Variants in DPT observed in about 807,000 individuals in gnomAD.
DPT encodes the protein tyrosine-rich acidic matrix protein.
In DPT, 21 loss-of-function variants were observed where a neutral mutation model predicts 31.2. The ratio of observed to expected loss-of-function variants is 0.67; its 90% CI spans 0.48 to 0.97. DPT has a LOEUF of 0.97. DPT is among the 50% of genes least tolerant of loss of function. DPT has a pLI of 0.00. For missense variants in DPT, 262 were observed against 258.8 expected, an observed-to-expected ratio of 1.01 and a Z score of -0.08; for synonymous variants, 91 against 86.9, an observed-to-expected ratio of 1.05 and a Z score of -0.26.
chr1:168,713,896 G>C (rs1024495383), intron 2 of DPT, among the ~76,000 whole-genome samples: 1 of 152,152 alleles, frequency 6.6e-6, no homozygotes, highest in Non-Finnish European at 1.5e-5. Flanking sequence ...TGGGGAGAAG[G>C]AGAACAGCAC....
intron 1 of DPT, among the ~76,000 whole-genome samples, chr1:168,728,194 A>G (rs1284464704): frequency 2.0e-5 from 3 of 152,254 alleles, no homozygotes; most frequent in African/African-American, 7.2e-5. Flanking sequence ...AAAACCCTTT[A>G]GTAAACTATT....
intron 2 of DPT, among the ~76,000 whole-genome samples, chr1:168,707,147 A>T (rs1649737552): frequency 1.3e-5 from 2 of 152,218 alleles, no homozygotes; most frequent in African/African-American, 4.8e-5. Flanking sequence ...CACAACTTCT[A>T]TAGCTCAGTT....
chr1:168,715,103 C>T (rs1263922314), intron 1 of DPT, among the ~76,000 whole-genome samples: 1 of 152,212 alleles, frequency 6.6e-6, no homozygotes. Context: ...CTCTAAAGAT[C>T]CCTTTCCTGT....
At chr1:168,702,327 T>C (rs1209706737) in intron 2 of DPT, among the ~76,000 whole-genome samples, 1 of 152,206 alleles carries the variant, frequency 6.6e-6, no homozygotes, top group African/African-American at 2.4e-5. Context: ...CTGTAAGGGC[T>C]CCTAGGAGGA....
At chr1:168,707,597 C>T (rs966254783) in intron 2 of DPT, among the ~76,000 whole-genome samples, 1 of 152,104 alleles carries the variant, frequency 6.6e-6, no homozygotes, top group Non-Finnish European at 1.5e-5. Flanking sequence ...GCTCTGTGTC[C>T]CCAACCAAAT....
At chr1:168,696,861 G>T (rs985309440) in intron 3 of DPT, among the ~76,000 whole-genome samples, 1 of 152,208 alleles carries the variant, frequency 6.6e-6, no homozygotes, top group African/African-American at 2.4e-5. Context: ...GTTCATCACT[G>T]GTGGTCAGCT....
chr1:168,709,086 C>T (rs12133988), intron 2 of DPT, among the ~76,000 whole-genome samples: 22,059 of 152,084 alleles, frequency 0.15, 2,227 homozygotes, highest in African/African-American at 0.29. Flanking sequence ...GTAAAGGTTA[C>T]CTAAATGGAT....
chr1:168,711,684 G>T (rs1011933088), intron 2 of DPT, among the ~76,000 whole-genome samples: 8 of 152,216 alleles, frequency 5.3e-5, no homozygotes. Flanking sequence ...GGCAGAGTTT[G>T]CCTTTGAATG....
chr1:168,704,596 T>G (rs535100781), intron 2 of DPT, among the ~76,000 whole-genome samples: 19 of 145,876 alleles, frequency 1.3e-4, no homozygotes, highest in East Asian at 3.9e-4. Flanking sequence ...GTGTGTGGGG[T>G]GTGTGTGTGT....
chr1:168,698,970 G>A (rs552889731), intron 3 of DPT, among the ~76,000 whole-genome samples: 6 of 152,064 alleles, frequency 3.9e-5, no homozygotes, highest in Non-Finnish European at 8.8e-5. Flanking sequence ...ATTTTATTTT[G>A]GGGGGAGGAT....
At chr1:168,715,752 G>T (rs1158730242) in intron 1 of DPT, among the ~76,000 whole-genome samples, 1 of 152,200 alleles carries the variant, frequency 6.6e-6, no homozygotes, top group African/African-American at 2.4e-5. Flanking sequence ...ATGGCCCTTT[G>T]ATGAAATCCA....
chr1:168,718,474 C>G (rs142254050), intron 1 of DPT, among the ~76,000 whole-genome samples: 1 of 152,232 alleles, frequency 6.6e-6, no homozygotes. Flanking sequence ...AAACATAACC[C>G]TCCTCCTCCG....
intron 2 of DPT, among the ~76,000 whole-genome samples, chr1:168,706,137 T>C (rs1446971288): frequency 6.6e-6 from 1 of 152,238 alleles, no homozygotes; most frequent in Non-Finnish European, 1.5e-5. Flanking sequence ...TATAACATCA[T>C]GATGGCCAAT....
At chr1:168,716,155 G>A (rs61532996) in intron 1 of DPT, among the ~76,000 whole-genome samples, 2,129 of 152,076 alleles carry the variant, frequency 0.014, 54 homozygotes, top group African/African-American at 0.049. Context: ...GAAATCATCC[G>A]TCCTTTTAAA....
chr1:168,727,698 C>A (rs911580335), intron 1 of DPT, among the ~76,000 whole-genome samples: 1 of 108,378 alleles, frequency 9.2e-6, no homozygotes, highest in Non-Finnish European at 2.1e-5. Flanking sequence ...GCAACTACAC[C>A]GGGCTAATTT....
intron 1 of DPT, among the ~76,000 whole-genome samples, chr1:168,723,647 A>C (rs1281196520): frequency 6.6e-6 from 1 of 152,152 alleles, no homozygotes; most frequent in African/African-American, 2.4e-5. Context: ...TTGTAAAAAG[A>C]GGATGACAGT....
chr1:168,711,513 T>A (rs1649862239), intron 2 of DPT, among the ~76,000 whole-genome samples: 1 of 152,202 alleles, frequency 6.6e-6, no homozygotes, highest in Non-Finnish European at 1.5e-5. Context: ...TGATGAGGAA[T>A]GTTGCTGCCT....
chr1:168,714,082 A>G, intron 2 of DPT, 139 bp downstream of exon 2: 6 of 1,088,474 alleles, frequency 5.5e-6, no homozygotes, highest in Non-Finnish European at 7.8e-6. Context: ...CTCCTAAGTC[A>G]TTCATTCATT....
chr1:168,714,188 A>G (rs1384685172), intron 2 of DPT, 33 bp downstream of exon 2: 1 of 1,613,810 alleles, frequency 6.2e-7, no homozygotes, highest in Non-Finnish European at 8.5e-7. Flanking sequence ...CCACCCCAGG[A>G]GTCATGAGGG....
Sources: gnomAD v4.1 joint callset for allele counts (sites outside exome capture counted in the v4.1 genomes callset) on GRCh38, gnomAD v4.1.1 for gene constraint, MANE v1.5 for transcripts, NCBI Gene and HGNC (gene_info 2026-07-23, HGNC 2026-07-21) for gene names.